Variants in TMTC2 observed in about 807,000 individuals in gnomAD.
TMTC2 encodes the protein transmembrane O-mannosyltransferase targeting cadherins 2.
Under a neutral mutation model 82.4 loss-of-function variants are expected in TMTC2, and 43 were observed. That is an observed-to-expected ratio of 0.52 (90% CI 0.41 to 0.67). The LOEUF is 0.67. TMTC2 is among the 30% of genes least tolerant of loss of function. TMTC2 has a pLI of 0.00. For missense variants in TMTC2, 919 were observed against 1,012.4 expected (o/e 0.91, Z 1.25); for synonymous variants, 408 against 381.9 (o/e 1.07, Z -0.80).
In TMTC2 at chr12:82,857,413, G is replaced by A; in HGVS notation, c.487G>A (p.Gly163Ser). ...CTACATTAAACACTGTTCTACAAGA[G>A]GCTACTCAGCCAGAACCTGGGGCTG... Reference protein sequence around the residue: ...LCYIKHCSTRGYSARTWGWFL... With the variant: ...LCYIKHCSTRSYSARTWGWFL... The change falls in exon 2 of 12, where the codon GGC (glycine) becomes AGC (serine). Residue 163 changes from glycine to serine, a missense_variant. Transcript: ENST00000321196. 2 of 1,614,182 alleles carry A rather than the reference G, an allele frequency of 1.2e-6. No homozygotes were observed. The highest frequency in any genetic ancestry group is 1.7e-6 in the Non-Finnish European group (2 of 1,180,038).
At chr12:82,787,071 G>A (rs902919889) in intron 1 of TMTC2, among the ~76,000 whole-genome samples, 14 of 152,000 alleles carry the variant, frequency 9.2e-5, no homozygotes, top group South Asian at 8.3e-4. Context: ...TTGTGTTTTC[G>A]TTGGGGGCTA....
At chr12:83,079,804 T>A (rs1883403932) in intron 11 of TMTC2, among the ~76,000 whole-genome samples, 2 of 152,164 alleles carry the variant, frequency 1.3e-5, no homozygotes, top group African/African-American at 4.8e-5. Flanking sequence ...TGGACATATA[T>A]CTTAATTTAT....
rs1348679812 is a variant in TMTC2, at chr12:82,857,234, C to T, written c.308C>T (p.Thr103Ile). Residue 103 changes from threonine (T) to isoleucine (I), a missense_variant, in exon 2 of 12, where the codon ACA becomes ATA. Thr to Ile is a moderately conservative substitution (Grantham distance 89). Coordinates refer to ENST00000321196, the MANE Select transcript of TMTC2 (RefSeq NM_152588.3). ...CATGCAGCAGTCACTGGTCTCTTCA[C>T]AAGCTTCTCCAAGATCCTCCTTGGT... Reference protein sequence around the residue: ...LLHAAVTGLFTSFSKILLGDG... With the variant: ...LLHAAVTGLFISFSKILLGDG... The T allele has an allele frequency of 1.2e-6, 2 of 1,614,198 alleles. No homozygotes were observed. The highest frequency in any genetic ancestry group is 1.3e-5 in the African/African-American group (1 of 75,042).
chr12:83,068,957 T>C (rs1415123877), intron 11 of TMTC2, among the ~76,000 whole-genome samples: 4 of 152,136 alleles, frequency 2.6e-5, no homozygotes, highest in Non-Finnish European at 5.9e-5. Flanking sequence ...GAACATACGA[T>C]GTTTGGTTTT....
chr12:82,792,367 C>T (rs980929110), intron 1 of TMTC2, among the ~76,000 whole-genome samples: 2 of 152,018 alleles, frequency 1.3e-5, no homozygotes, highest in African/African-American at 2.4e-5. Context: ...CAACCATCAC[C>T]TCTATCTATT....
chr12:82,926,552 A>C (rs1565813073), intron 3 of TMTC2, among the ~76,000 whole-genome samples: 1 of 152,236 alleles, frequency 6.6e-6, no homozygotes, highest in Non-Finnish European at 1.5e-5. Flanking sequence ...TAGCTAAGAT[A>C]ATTGATTAAT....
chr12:82,773,527 C>T (rs1240765662), intron 1 of TMTC2, among the ~76,000 whole-genome samples: 1 of 149,246 alleles, frequency 6.7e-6, no homozygotes, highest in Non-Finnish European at 1.5e-5. Context: ...ATGGTGCGAT[C>T]TCGGCTCACT....
chr12:82,775,999 ATGGGTTGCCTGTG>A (rs1323066245), intron 1 of TMTC2, among the ~76,000 whole-genome samples: 2 of 152,074 alleles, frequency 1.3e-5, no homozygotes, highest in Non-Finnish European at 1.5e-5. Context: ...TTGTACATGC[ATGGGTTGCCTGTG>A]TGTGCACCCG....
chr12:82,948,513 T>C (rs1003191203), intron 4 of TMTC2, among the ~76,000 whole-genome samples: 1 of 152,238 alleles, frequency 6.6e-6, no homozygotes, highest in Non-Finnish European at 1.5e-5. Context: ...ACTTTCATTT[T>C]TGGAACTCAT....
At chr12:83,087,383 G>A (rs763051415) in intron 11 of TMTC2, among the ~76,000 whole-genome samples, 5 of 152,150 alleles carry the variant, frequency 3.3e-5, no homozygotes, top group African/African-American at 7.2e-5. Flanking sequence ...CCTAACTCTT[G>A]TTAAGGTTGA....
chr12:83,105,543 G>A (rs763338221), intron 11 of TMTC2, among the ~76,000 whole-genome samples: 8 of 152,152 alleles, frequency 5.3e-5, no homozygotes, highest in Non-Finnish European at 8.8e-5. Flanking sequence ...GTGAAAGCAG[G>A]AGGAGGAAAG....
intron 1 of TMTC2, among the ~76,000 whole-genome samples, chr12:82,694,639 AAC>A (rs1387601798): frequency 6.6e-6 from 1 of 152,234 alleles, no homozygotes; most frequent in East Asian, 1.9e-4. Flanking sequence ...TCTGAAATGA[AAC>A]ACACATTAGT....
Position 83,030,953 on chromosome 12 carries a change from T to C in TMTC2, c.2152+74T>C, listed in dbSNP as rs554047932. 14 of 1,134,278 alleles carry C rather than the reference T, an allele frequency of 1.2e-5. No homozygotes were observed. The African/African-American group carries it at 1.5e-4, about 12-fold the overall frequency. The allele number at this position is 1,134,278 out of a possible 1,614,324, so 70.3% of individuals were successfully genotyped here. A position where few individuals can be genotyped will look rare whatever the true frequency, so the allele number is the denominator to read the frequency against. On this transcript the variant is annotated intron_variant, in intron 9 of 11. Coordinates refer to ENST00000321196, the MANE Select transcript of TMTC2 (RefSeq NM_152588.3). ...TGTTGATATGAGATCTAGGCTTTGC[T>C]GGCAAAGAACATTTTAAGAGGAGAT... is the stretch of plus-strand genomic sequence containing the variant.
At position 83,040,481 on chromosome 12, in the gene TMTC2, A is replaced by G. The variant is rs575820407; in HGVS notation, c.2152+9602A>G. Among the ~76,000 whole-genome samples the G allele has an allele frequency of 4.9e-4, 74 of 152,300 alleles. 1 individual carries two copies. The highest frequency in any genetic ancestry group is 1.8e-3 in the African/African-American group (73 of 41,574). On this transcript the variant is annotated intron_variant, in intron 9 of 11. Transcript: ENST00000321196. ...GAGGCAAGGCACCAGACCTCACCCT[A>G]CATGGTGTTATTTACACTATCTCAC...
At chr12:82,823,454 T>C (rs955486174) in intron 1 of TMTC2, among the ~76,000 whole-genome samples, 2 of 152,228 alleles carry the variant, frequency 1.3e-5, no homozygotes, top group African/African-American at 4.8e-5. Flanking sequence ...ACTTTTGCTA[T>C]TTATATGAGT....
intron 7 of TMTC2, among the ~76,000 whole-genome samples, chr12:82,968,928 A>AT (rs964192145): frequency 2.6e-5 from 4 of 151,960 alleles, no homozygotes; most frequent in Non-Finnish European, 5.9e-5. Flanking sequence ...AACATTCCAG[A>AT]TTTTTTCTAC....
chr12:82,914,817 A>ATTTTTTTTTTTTTTTTTTTTTTTT (rs71068958), intron 3 of TMTC2, among the ~76,000 whole-genome samples: 1 of 86,408 alleles, frequency 1.2e-5, no homozygotes. Context: ...CAACTCACTT[A>ATTTTTTTTTTTTTTTTTTTTTTTT]TTTTTTTTTT....
Position 82,781,399 on chromosome 12 carries a change from C to CTTTT in TMTC2, c.84-75593_84-75590dup, listed in dbSNP as rs71068954. Among the ~76,000 whole-genome samples, 22 of 121,170 alleles carry CTTTT rather than the reference C, an allele frequency of 1.8e-4. 1 individual carries two copies. Among genetic ancestry groups the CTTTT allele is most frequent in the African/African-American group, 3.7e-4 (12 of 32,180 alleles). 79.5% of individuals were successfully genotyped at this position (121,170 alleles called of 152,430 possible). A position where few individuals can be genotyped will look rare whatever the true frequency, so the allele number is the denominator to read the frequency against. On this transcript the variant is annotated intron_variant, in intron 1 of 11. Transcript: ENST00000321196. Reference sequence around the variant, plus strand: ...ATAGAGTATGTGTGTGGAGTTTGCTCTTTTTTTTTTTTTTTTTTTTTAGCA... The same window carrying CTTTT: ...ATAGAGTATGTGTGTGGAGTTTGCTCTTTTTTTTTTTTTTTTTTTTTTTTTAGCA...
chr12:82,855,557 A>C (rs968804619), intron 1 of TMTC2, among the ~76,000 whole-genome samples: 2 of 152,182 alleles, frequency 1.3e-5, no homozygotes, highest in African/African-American at 4.8e-5. Context: ...TGGAGTTCTC[A>C]TTCCTGTGCC....
Sources: gnomAD v4.1 joint callset for allele counts (sites outside exome capture counted in the v4.1 genomes callset) on GRCh38, gnomAD v4.1.1 for gene constraint, MANE v1.5 for transcripts, NCBI Gene and HGNC (gene_info 2026-07-23, HGNC 2026-07-21) for gene names.